CEP128: variants seen among roughly 807,000 people sequenced by gnomAD.
The protein encoded by CEP128 is centrosomal protein 128.
CEP128 carries 132 observed loss-of-function variants against 156.7 expected under a neutral mutation model. The ratio of observed to expected loss-of-function variants is 0.84; its 90% CI spans 0.73 to 0.97. The LOEUF (loss-of-function observed/expected upper bound fraction) is 0.97. Ranked by LOEUF, CEP128 falls within the 50% of genes least tolerant of loss-of-function variation. The probability of loss-of-function intolerance (pLI) is 0.00; values close to 1 mark genes in which losing one functional copy is unlikely to be tolerated. For synonymous variants in CEP128, 469 were observed against 448.9 expected (o/e 1.04, Z -0.57); for missense variants, 1,252 against 1,281.9 (o/e 0.98, Z 0.36).
At chr14:80,813,905 A>G (rs952641032) in intron 13 of CEP128, among the ~76,000 whole-genome samples, 27 of 152,184 alleles carry the variant, frequency 1.8e-4, no homozygotes, top group Admixed American at 8.5e-4. Flanking sequence ...TTAGTGCTGT[A>G]CTGCTGAAAT....
chr14:80,946,966 C>A (rs1293029480), intron 2 of CEP128, among the ~76,000 whole-genome samples: 3 of 152,106 alleles, frequency 2.0e-5, no homozygotes, highest in Non-Finnish European at 2.9e-5. Context: ...GTGTGAAGCA[C>A]TTCCCCCTTC....
chr14:80,909,112 AGAC>A (rs1884055034), intron 4 of CEP128, among the ~76,000 whole-genome samples: 1 of 47,498 alleles, frequency 2.1e-5, no homozygotes, highest in South Asian at 1.1e-3. Flanking sequence ...CCCAAATATA[AGAC>A]TTACCCTTCT....
intron 19 of CEP128, among the ~76,000 whole-genome samples, chr14:80,678,339 C>T (rs1364893199): frequency 3.3e-5 from 5 of 150,488 alleles, no homozygotes; most frequent in Non-Finnish European, 1.5e-5. Flanking sequence ...CTTGACATTG[C>T]TTAATCTAAA....
At chr14:80,849,387 T>C (rs1233396454) in intron 9 of CEP128, among the ~76,000 whole-genome samples, 21 of 152,136 alleles carry the variant, frequency 1.4e-4, no homozygotes, top group Non-Finnish European at 2.9e-5. Flanking sequence ...ACAGCATCAC[T>C]GTAACTTGAT....
intron 19 of CEP128, among the ~76,000 whole-genome samples, chr14:80,668,057 T>G (rs1454425454): frequency 1.3e-5 from 2 of 152,184 alleles, no homozygotes; most frequent in East Asian, 3.8e-4. Context: ...ACTTACTATG[T>G]GCCCAACATT....
At chr14:80,930,166 C>G (rs1390723828) in intron 2 of CEP128, among the ~76,000 whole-genome samples, 1 of 152,154 alleles carries the variant, frequency 6.6e-6, no homozygotes, top group Non-Finnish European at 1.5e-5. Flanking sequence ...GTGCTGGGAG[C>G]AGCTACAAAT....
chr14:80,905,755 G>GAAAAA, intron 5 of CEP128, 200 bp downstream of exon 5: 1 of 392,118 alleles, frequency 2.6e-6, no homozygotes, highest in East Asian at 5.3e-5. Flanking sequence ...CAGAGTTTGA[G>GAAAAA]AAAAAAAAAA....
intron 21 of CEP128, among the ~76,000 whole-genome samples, chr14:80,542,717 C>T (rs1210817234): frequency 6.6e-6 from 1 of 152,118 alleles, no homozygotes; most frequent in African/African-American, 2.4e-5. Flanking sequence ...AATCATTTCC[C>T]TGAATCCTGC....
intron 9 of CEP128, among the ~76,000 whole-genome samples, chr14:80,841,257 C>T (rs1295055798): frequency 6.6e-6 from 1 of 152,000 alleles, no homozygotes; most frequent in Non-Finnish European, 1.5e-5. Context: ...ATATTTTTAA[C>T]AATTTTAGTG....
chr14:80,617,013 A>C (rs1343171054), intron 19 of CEP128, among the ~76,000 whole-genome samples: 1 of 152,104 alleles, frequency 6.6e-6, no homozygotes, highest in Non-Finnish European at 1.5e-5. Flanking sequence ...GAAATCACTC[A>C]GTCCTCTAAA....
intron 13 of CEP128, among the ~76,000 whole-genome samples, chr14:80,810,128 C>T (rs1186723696): frequency 1.3e-5 from 2 of 151,572 alleles, no homozygotes; most frequent in Non-Finnish European, 2.9e-5. Flanking sequence ...TCGAGATCGT[C>T]CTGGCTAACA....
intron 7 of CEP128, among the ~76,000 whole-genome samples, chr14:80,899,290 C>T (rs550059970): frequency 3.6e-4 from 55 of 152,228 alleles, no homozygotes; most frequent in African/African-American, 1.3e-3. Flanking sequence ...TTTATTGTTC[C>T]TAATATTTGC....
chr14:80,477,233 C>T (rs950866363), exon 15 of CEP128: 12 of 152,250 alleles, frequency 7.9e-5, no homozygotes, highest in African/African-American at 2.4e-4. Context: ...TCCATATATT[C>T]TAATAGTACA....
chr14:80,571,235 GGCCTCTGT>G (rs1469592100), intron 20 of CEP128, among the ~76,000 whole-genome samples: 1 of 152,110 alleles, frequency 6.6e-6, no homozygotes, highest in Non-Finnish European at 1.5e-5. Flanking sequence ...GATCATATCT[GGCCTCTGT>G]GCTTCAATCC....
intron 2 of CEP128, among the ~76,000 whole-genome samples, chr14:80,923,923 G>A (rs1173498766): frequency 6.6e-6 from 1 of 152,072 alleles, no homozygotes; most frequent in Non-Finnish European, 1.5e-5. Flanking sequence ...CACAAGATCT[G>A]ATGGTTTTAT....
At chr14:80,812,108 T>C (rs575330541) in intron 13 of CEP128, among the ~76,000 whole-genome samples, 2 of 152,314 alleles carry the variant, frequency 1.3e-5, no homozygotes, top group East Asian at 3.9e-4. Context: ...TGAGCCCATG[T>C]GTAATCACTG....
At chr14:80,491,435 A>G (rs527645062) in intron 6 of CEP128, among the ~76,000 whole-genome samples, 1 of 152,258 alleles carries the variant, frequency 6.6e-6, no homozygotes, top group East Asian at 1.9e-4. Flanking sequence ...GAAAGAAAGA[A>G]AAAGTCCCTA....
At chr14:80,564,028 A>C (rs1381275838) in intron 20 of CEP128, among the ~76,000 whole-genome samples, 2 of 152,210 alleles carry the variant, frequency 1.3e-5, no homozygotes, top group Non-Finnish European at 2.9e-5. Flanking sequence ...AAAATGTAAA[A>C]TTCTAAGTGG....
intron 19 of CEP128, among the ~76,000 whole-genome samples, chr14:80,708,738 A>G (rs1897305041): frequency 6.6e-6 from 1 of 152,212 alleles, no homozygotes; most frequent in Non-Finnish European, 1.5e-5. Context: ...CTGTAGCCAC[A>G]TTATAAAAGC....
Sources: gnomAD v4.1 joint callset for allele counts (sites outside exome capture counted in the v4.1 genomes callset) on GRCh38, gnomAD v4.1.1 for gene constraint, MANE v1.5 for transcripts, NCBI Gene and HGNC (gene_info 2026-07-23, HGNC 2026-07-21) for gene names.